BAMBI: variants seen among roughly 807,000 people sequenced by gnomAD.
BAMBI encodes BMP and activin membrane bound inhibitor.
BAMBI carries 21 observed loss-of-function variants against 24.1 expected under a neutral mutation model. The ratio of observed to expected loss-of-function variants is 0.87; its 90% CI spans 0.62 to 1.26. BAMBI has a LOEUF of 1.26. Among genes scored for constraint, BAMBI ranks in the 50% most tolerant of loss-of-function variants. The pLI is 0.00. For missense variants in BAMBI, 388 were observed against 329.1 expected, an observed-to-expected ratio of 1.18 and a Z score of -1.38; for synonymous variants, 156 against 123.1, an observed-to-expected ratio of 1.27 and a Z score of -1.77.
At position 28,682,078 on chromosome 10, in the gene BAMBI, GTCATTGCC is replaced by G; in HGVS notation, c.461_468del (p.Val154GlyfsTer23). On this transcript the variant is annotated frameshift_variant, in exon 3 of 3. Transcript: ENST00000375533. LOFTEE classifies it high-confidence loss of function. ...CAAAGAGTTGTGGTTCCGGGCAGCG[GTCATTGCC>G]GTGCCCATTGCTGGAGGGCTGATTT... 2 of 1,614,110 alleles carry G rather than the reference GTCATTGCC, an allele frequency of 1.2e-6. No individual in the cohort carries two copies. The highest frequency in any genetic ancestry group is 1.7e-6 in the Non-Finnish European group (2 of 1,180,006).
chr10:28,681,234 G>C, intron 1 of BAMBI, 24 bp from the exon 2 acceptor site: 1 of 1,601,976 alleles, frequency 6.2e-7, no homozygotes, highest in South Asian at 1.1e-5. Flanking sequence ...AGCAGAGTTT[G>C]AGGTGGTTTC....
At chr10:28,679,647 C>G (rs1337460050) in intron 1 of BAMBI, among the ~76,000 whole-genome samples, 2 of 152,136 alleles carry the variant, frequency 1.3e-5, no homozygotes, top group Non-Finnish European at 2.9e-5. Context: ...TACTTGTATT[C>G]AGTCTTCCTT....
intron 1 of BAMBI, among the ~76,000 whole-genome samples, chr10:28,678,765 G>T (rs139071713): frequency 7.9e-5 from 12 of 151,244 alleles, no homozygotes; most frequent in Non-Finnish European, 1.3e-4. Flanking sequence ...CAGCCGGGAG[G>T]AGTAGGCTCT....
chr10:28,677,734 A>T lies in BAMBI; in HGVS notation c.-164A>T. 3.0e-6 allele frequency: 1 copy of T among 334,364 alleles called. No individual in the cohort carries two copies. Among genetic ancestry groups the T allele is most frequent in the African/African-American group, 2.2e-5 (1 of 45,784 alleles). The allele number at this position is 334,364 out of a possible 1,614,324, so 20.7% of individuals were successfully genotyped here. ...TTCTGGGCTCCTGGGCGCGCCCTGT[A>T]GCCGCGCTCCATGCTCCGGCAGCGG... On this transcript the variant is annotated 5_prime_UTR_variant, in exon 1 of 3. Coordinates refer to ENST00000375533, the MANE Select transcript of BAMBI (RefSeq NM_012342.3).
intron 2 of BAMBI, 127 bp from the exon 3 acceptor site, chr10:28,681,856 C>T: frequency 9.7e-7 from 1 of 1,034,476 alleles, no homozygotes; most frequent in Non-Finnish European, 1.4e-6. Flanking sequence ...GCAATGTTTT[C>T]TAAATATCGT....
In BAMBI at chr10:28,677,769, C is replaced by T. The variant is rs1294337499; in HGVS notation, c.-129C>T. The T allele has an allele frequency of 1.9e-6, 1 of 514,914 alleles. No individual in the cohort carries two copies. Among genetic ancestry groups the T allele is most frequent in the Non-Finnish European group, 2.8e-6 (1 of 355,154 alleles). The allele number at this position is 514,914 out of a possible 1,614,324, so 31.9% of individuals were successfully genotyped here. A position where few individuals can be genotyped will look rare whatever the true frequency, so the allele number is the denominator to read the frequency against. On this transcript the variant is annotated 5_prime_UTR_variant, in exon 1 of 3. An upstream open reading frame in the 5' UTR gains an earlier in-frame stop. Coordinates refer to ENST00000375533, the MANE Select transcript of BAMBI (RefSeq NM_012342.3). ...CATGCTCCGGCAGCGGCCCGAAACC[C>T]AGCCCCGCCGCTGACGGCGCCCGCC...
Position 28,679,596 on chromosome 10 carries a change from G to A in BAMBI, c.76+1623G>A, listed in dbSNP as rs183075375. ...CAAAATTTTATTAGGCTGTTTTTAGGTCATTGAAAATAGGCTCTCATAAAC... is the reference window on the plus strand; with the variant it reads ...CAAAATTTTATTAGGCTGTTTTTAGATCATTGAAAATAGGCTCTCATAAAC... On this transcript the variant is annotated intron_variant, in intron 1 of 2. Transcript: ENST00000375533. Among the ~76,000 whole-genome samples, 230 of 152,040 alleles carry A rather than the reference G, an allele frequency of 1.5e-3. 3 individuals are homozygous for A. The highest frequency in any genetic ancestry group is 5.4e-3 in the African/African-American group (223 of 41,468).
rs1378565480 is a variant in BAMBI, at chr10:28,682,537, G to A, written c.*136G>A. On this transcript the variant is annotated 3_prime_UTR_variant, in exon 3 of 3. Transcript: ENST00000375533. ...AAATGACCTCTGCAAACAGAATCTT[G>A]GATATTTCTTCTGAAGGATTATTTG... The A allele has an allele frequency of 2.0e-5, 15 of 747,892 alleles. No homozygotes were observed. The highest frequency in any genetic ancestry group is 3.2e-5 in the Non-Finnish European group (15 of 469,994). 46.3% of individuals were successfully genotyped at this position (747,892 alleles called of 1,614,324 possible). A position where few individuals can be genotyped will look rare whatever the true frequency, so the allele number is the denominator to read the frequency against.
Position 28,677,945 on chromosome 10 carries a change from C to T in BAMBI, c.48C>T (p.Leu16=), listed in dbSNP as rs1834454598. 1 of 1,535,336 alleles carries T rather than the reference C, an allele frequency of 6.5e-7. No individual in the cohort carries two copies. The highest frequency in any genetic ancestry group is 1.2e-5 in the South Asian group (1 of 83,224). ...SYIFIWLQLE[L]CAMAVLLTKG... ...TCTTCATCTGGCTGCAGCTGGAGCTCTGCGCCATGGCCGTGCTGCTCACCA... is the reference window on the plus strand; with the variant it reads ...TCTTCATCTGGCTGCAGCTGGAGCTTTGCGCCATGGCCGTGCTGCTCACCA... Residue 16 remains leucine (L), a synonymous_variant, in exon 1 of 3, where the codon CTC becomes CTT. Transcript: ENST00000375533.
rs749027486 is a variant in BAMBI, at chr10:28,682,069, C to CGGGCAATGA, written c.456_457insATGAGGGCA (p.Ala152_Ala153insMetArgAla). ...GACTTCTTCCAAAGAGTTGTGGTTC[C>CGGGCAATGA]GGGCAGCGGTCATTGCCGTGCCCAT... On this transcript the variant is annotated inframe_insertion, in exon 3 of 3. Transcript: ENST00000375533. 3.1e-6 allele frequency: 5 copies of CGGGCAATGA among 1,613,956 alleles called. No homozygotes were observed. The highest frequency in any genetic ancestry group is 1.1e-5 in the South Asian group (1 of 91,078).
chr10:28,682,314 G>A lies in BAMBI; in HGVS notation c.696G>A (p.Met232Ile), dbSNP rs754706436. Residue 232 changes from methionine (M) to isoleucine (I), a missense_variant, in exon 3 of 3, where the codon ATG becomes ATA. Transcript: ENST00000375533. ...ACTGCTGTCTGACCTGTGATAAAAT[G>A]AGACAAGCAGACCTCAGCAACGATA... ...HENCCLTCDK[M>I]RQADLSNDKI... 5.0e-6 allele frequency: 8 copies of A among 1,614,068 alleles called. No individual in the cohort carries two copies. In the South Asian group the frequency reaches 6.6e-5, roughly 13 times the overall value.
At position 28,682,342 on chromosome 10, in the gene BAMBI, A is replaced by ATCCTC; in HGVS notation, c.727_731dup (p.Leu245SerfsTer35). 6.2e-7 allele frequency: 1 copy of ATCCTC among 1,614,076 alleles called. No individual in the cohort carries two copies. Among genetic ancestry groups the ATCCTC allele is most frequent in the Non-Finnish European group, 8.5e-7 (1 of 1,180,020 alleles). On this transcript the variant is annotated frameshift_variant, in exon 3 of 3. Coordinates refer to ENST00000375533, the MANE Select transcript of BAMBI (RefSeq NM_012342.3). LOFTEE classifies it high-confidence loss of function. Reference sequence around the variant, plus strand: ...ACAAGCAGACCTCAGCAACGATAAGATCCTCTCGCTTGTTCACTGGGGCAT... The same window carrying ATCCTC: ...ACAAGCAGACCTCAGCAACGATAAGATCCTCTCCTCTCGCTTGTTCACTGGGGCAT...
At chr10:28,679,887 C>G (rs1168672780) in intron 1 of BAMBI, among the ~76,000 whole-genome samples, 1 of 152,098 alleles carries the variant, frequency 6.6e-6, no homozygotes, top group Non-Finnish European at 1.5e-5. Flanking sequence ...GGAACTTGGG[C>G]CCAACCAGTG....
Position 28,677,798 on chromosome 10 carries a change from C to A in BAMBI, c.-100C>A. On this transcript the variant is annotated 5_prime_UTR_variant, in exon 1 of 3. Transcript: ENST00000375533. ...CCCGCCGCTGACGGCGCCCGCCGCTCCGGGCAGGGCCCATGCCCTGCGCGC... is the reference window on the plus strand; with the variant it reads ...CCCGCCGCTGACGGCGCCCGCCGCTACGGGCAGGGCCCATGCCCTGCGCGC... 2 of 833,248 alleles carry A rather than the reference C, an allele frequency of 2.4e-6. No homozygotes were observed. Among genetic ancestry groups the A allele is most frequent in the South Asian group, 5.9e-5 (1 of 16,832 alleles). 51.6% of individuals were successfully genotyped at this position (833,248 alleles called of 1,614,324 possible). A position where few individuals can be genotyped will look rare whatever the true frequency, so the allele number is the denominator to read the frequency against.
In BAMBI at chr10:28,677,808, C is replaced by A; in HGVS notation, c.-90C>A. The stretch of plus-strand genomic sequence containing the variant: ...ACGGCGCCCGCCGCTCCGGGCAGGG[C>A]CCATGCCCTGCGCGCTCCGGGGGTC... On this transcript the variant is annotated 5_prime_UTR_variant, in exon 1 of 3. Transcript: ENST00000375533. The A allele has an allele frequency of 1.9e-6, 2 of 1,065,028 alleles. No individual in the cohort carries two copies. Among genetic ancestry groups the A allele is most frequent in the Non-Finnish European group, 1.3e-6 (1 of 796,200 alleles). The allele number at this position is 1,065,028 out of a possible 1,614,324, so 66.0% of individuals were successfully genotyped here. A position where few individuals can be genotyped will look rare whatever the true frequency, so the allele number is the denominator to read the frequency against.
chr10:28,680,548 C>G (rs944021311), intron 1 of BAMBI, among the ~76,000 whole-genome samples: 2 of 152,070 alleles, frequency 1.3e-5, no homozygotes, highest in African/African-American at 4.8e-5. Flanking sequence ...TTTTATACTC[C>G]CCCCACCTTT....
chr10:28,682,382 G>A lies in BAMBI; in HGVS notation c.764G>A (p.Gly255Glu), dbSNP rs1463225619. The A allele has an allele frequency of 6.2e-7, 1 of 1,609,992 alleles. No homozygotes were observed. Residue 255 changes from glycine (G) to glutamate (E), a missense_variant, in exon 3 of 3, where the codon GGG becomes GAG. Physicochemically the swap from Gly to Glu is moderately conservative, Grantham distance 98. Coordinates refer to ENST00000375533, the MANE Select transcript of BAMBI (RefSeq NM_012342.3). ...LVHWGMYSGH[G>E]KLEFV ...CACTGGGGCATGTACAGTGGGCACG[G>A]GAAGCTGGAATTCGTATGACGGAGT...
chr10:28,679,399 CCA>C lies in BAMBI; in HGVS notation c.76+1429_76+1430del, dbSNP rs112226411. Reference sequence around the variant, plus strand: ...GGGACAGAAACAGAAGGGCATTGTTCCACAGTTTCAAAATACCAGTCCCCTTT... The same window carrying C: ...GGGACAGAAACAGAAGGGCATTGTTCCAGTTTCAAAATACCAGTCCCCTTT... On this transcript the variant is annotated intron_variant, in intron 1 of 2. Transcript: ENST00000375533. Among the ~76,000 whole-genome samples the C allele has an allele frequency of 6.6e-3, 1,007 of 152,252 alleles. 12 individuals are homozygous for C. Among genetic ancestry groups the C allele is most frequent in the African/African-American group, 0.021 (878 of 41,542 alleles).
rs972001089 is a variant in BAMBI at position 28,681,557 on chromosome 10, C to T, written c.364+12C>T. 1 of 1,610,348 alleles carries T rather than the reference C, an allele frequency of 6.2e-7. No individual in the cohort carries two copies. Among genetic ancestry groups the T allele is most frequent in the Non-Finnish European group, 8.5e-7 (1 of 1,177,696 alleles). On this transcript the variant is annotated intron_variant, in intron 2 of 2. Coordinates refer to ENST00000375533, the MANE Select transcript of BAMBI (RefSeq NM_012342.3). ...GGGTGAGGCCTCAGGTAGGTGGAAG[C>T]CGTTTCTAACCAGAATGCCTGCCTG... is the stretch of plus-strand genomic sequence containing the variant.
Sources: gnomAD v4.1 joint callset for allele counts (sites outside exome capture counted in the v4.1 genomes callset) on GRCh38, gnomAD v4.1.1 for gene constraint, MANE v1.5 for transcripts, NCBI Gene and HGNC (gene_info 2026-07-23, HGNC 2026-07-21) for gene names.